IKZF2: variants seen among roughly 807,000 people sequenced by gnomAD.
The protein encoded by IKZF2 is zinc finger protein Helios.
A neutral mutation model predicts 49.2 loss-of-function variants in IKZF2; 15 were observed. That is an observed-to-expected ratio of 0.30 (90% confidence interval 0.20 to 0.47). IKZF2 has a LOEUF of 0.47. IKZF2 is among the 20% of genes least tolerant of loss of function. The pLI is 1.00. For missense variants in IKZF2, 567 were observed against 664.6 expected (o/e 0.85, Z 1.61); for synonymous variants, 227 against 221.4 (o/e 1.03, Z -0.23).
intron 6 of IKZF2, among the ~76,000 whole-genome samples, chr2:213,024,906 T>C (rs991669367): frequency 7.2e-5 from 11 of 152,102 alleles, no homozygotes; most frequent in Non-Finnish European, 8.8e-5. Context: ...TTTAAAGTAA[T>C]ACATAATTAA....
At chr2:213,016,764 A>G (rs1280185979) in intron 7 of IKZF2, among the ~76,000 whole-genome samples, 1 of 152,132 alleles carries the variant, frequency 6.6e-6, no homozygotes, top group African/African-American at 2.4e-5. Flanking sequence ...TAACGGCAAA[A>G]CCATAAGTGT....
chr2:213,053,136 C>T (rs1019219498), intron 5 of IKZF2, among the ~76,000 whole-genome samples: 7 of 152,072 alleles, frequency 4.6e-5, no homozygotes, highest in African/African-American at 1.7e-4. Flanking sequence ...ATGGAGCAAT[C>T]CAAGCTGAAA....
chr2:213,091,152 T>C (rs1034716980), intron 4 of IKZF2, among the ~76,000 whole-genome samples: 2 of 152,172 alleles, frequency 1.3e-5, no homozygotes, highest in Admixed American at 6.6e-5. Flanking sequence ...AAGATAAATA[T>C]GCTTACAATG....
intron 5 of IKZF2, among the ~76,000 whole-genome samples, chr2:213,055,457 T>C: frequency 6.6e-6 from 1 of 151,852 alleles, no homozygotes; most frequent in African/African-American, 2.4e-5. Context: ...AAAAAGGAGA[T>C]AAAAAACGAA....
At chr2:213,021,580 T>G (rs1421880458) in intron 7 of IKZF2, 1 of 342,684 alleles carries the variant, frequency 2.9e-6, no homozygotes, top group Non-Finnish European at 5.6e-6. Context: ...GCAAAATCAG[T>G]AATTTCTCAT....
At position 213,000,711 on chromosome 2, in the gene IKZF2, G is replaced by A. The variant is rs905608176; in HGVS notation, c.*6649C>T. 6.6e-6 allele frequency: 1 copy of A among 151,880 alleles called. No homozygotes were observed. Among genetic ancestry groups the A allele is most frequent in the Admixed American group, 6.6e-5 (1 of 15,144 alleles). The allele number at this position is 151,880 out of a possible 1,614,324, so 9.4% of individuals were successfully genotyped here. A position where few individuals can be genotyped will look rare whatever the true frequency, so the allele number is the denominator to read the frequency against. ...AAAAAATTTCTCCAATAGGTGATATGTAAGTGTTTAAAACTCAGCTAAGTG... is the reference window on the plus strand; with the variant it reads ...AAAAAATTTCTCCAATAGGTGATATATAAGTGTTTAAAACTCAGCTAAGTG... On this transcript the variant is annotated 3_prime_UTR_variant, in exon 9 of 9. Transcript: ENST00000434687.
rs139378255 is a variant in IKZF2, at chr2:213,147,776, T to A, written c.71A>T (p.Asn24Ile). 1 of 1,613,996 alleles carries A rather than the reference T, an allele frequency of 6.2e-7. No individual in the cohort carries two copies. Among genetic ancestry groups the A allele is most frequent in the Non-Finnish European group, 8.5e-7 (1 of 1,179,866 alleles). ...NELSPEREHS[N>I]MAIDLTSSTP... ...GCTTGAGGTGAGGTCAATTGCCATA[T>A]TGGAGTGCTCCCTTTCGGGTGAAAG... Residue 24 changes from asparagine to isoleucine, a missense_variant, in exon 4 of 9, where the codon AAT (asparagine) becomes ATT (isoleucine). Physicochemically the swap from Asn to Ile is moderately radical, Grantham distance 149 (BLOSUM62 -3). Around this residue, in one of 5 missense-constraint regions of IKZF2, gnomAD observed 156 missense variants for 138.5 expected, o/e 1.13. Transcript: ENST00000434687.
chr2:213,073,425 A>T (rs1702916198), intron 4 of IKZF2, among the ~76,000 whole-genome samples: 1 of 152,142 alleles, frequency 6.6e-6, no homozygotes, highest in South Asian at 2.1e-4. Flanking sequence ...TTAAACAGAA[A>T]ACACTGCCAG....
chr2:213,069,738 T>C (rs1702511904), intron 4 of IKZF2, among the ~76,000 whole-genome samples: 1 of 152,098 alleles, frequency 6.6e-6, no homozygotes, highest in African/African-American at 2.4e-5. Context: ...CTACACTGCC[T>C]AACACCTTCA....
chr2:213,120,059 A>G (rs2125826272), intron 4 of IKZF2, among the ~76,000 whole-genome samples: 1 of 152,318 alleles, frequency 6.6e-6, no homozygotes, highest in East Asian at 1.9e-4. Flanking sequence ...TCCTACTCCC[A>G]TCCACTTCAT....
intron 4 of IKZF2, among the ~76,000 whole-genome samples, chr2:213,057,610 T>A (rs1701287109): frequency 6.6e-6 from 1 of 152,156 alleles, no homozygotes. Context: ...ATCCAGCAAA[T>A]GTCTTTGACA....
At chr2:213,143,368 G>A (rs117954874) in intron 4 of IKZF2, among the ~76,000 whole-genome samples, 2,222 of 152,006 alleles carry the variant, frequency 0.015, 31 homozygotes, top group South Asian at 0.058. Flanking sequence ...GTACTAAGCA[G>A]ACTAAAAAGA....
At chr2:213,118,926 G>T (rs558280595) in intron 4 of IKZF2, among the ~76,000 whole-genome samples, 7 of 152,154 alleles carry the variant, frequency 4.6e-5, no homozygotes, top group African/African-American at 1.7e-4. Context: ...CCAATTTCTA[G>T]AGACATCTCT....
rs1391957398 is a variant in IKZF2, at chr2:213,131,858, T to C, written c.139+15850A>G. Among the ~76,000 whole-genome samples, 4 of 152,184 alleles carry C rather than the reference T, an allele frequency of 2.6e-5. No individual in the cohort carries two copies. The East Asian group carries it at 7.7e-4, about 29-fold the overall frequency. On this transcript the variant is annotated intron_variant, in intron 4 of 8. Transcript: ENST00000434687. Reference sequence around the variant, plus strand: ...ATGTCTGGAATAACTGAGAGACGTCTCTAATGCATTCAGTCAATCAGATAA... The same window carrying C: ...ATGTCTGGAATAACTGAGAGACGTCCCTAATGCATTCAGTCAATCAGATAA...
At chr2:213,055,805 T>A (rs1701096360) in intron 5 of IKZF2, among the ~76,000 whole-genome samples, 1 of 152,164 alleles carries the variant, frequency 6.6e-6, no homozygotes, top group Admixed American at 6.6e-5. Context: ...CTACCTTGTA[T>A]CTTTAATGTT....
chr2:213,142,745 C>T (rs1661413958), intron 4 of IKZF2, among the ~76,000 whole-genome samples: 4 of 151,936 alleles, frequency 2.6e-5, no homozygotes, highest in South Asian at 4.1e-4. Flanking sequence ...GCTTCTGAGC[C>T]TCAGTTTTAA....
At chr2:213,036,116 G>T (rs1449142135) in intron 6 of IKZF2, among the ~76,000 whole-genome samples, 4 of 152,072 alleles carry the variant, frequency 2.6e-5, no homozygotes, top group African/African-American at 4.8e-5. Flanking sequence ...CCTCATGATA[G>T]ATTTTTGTTT....
rs141733350 is a variant in IKZF2, at chr2:213,044,529, T to C, written c.574+5184A>G. On this transcript the variant is annotated intron_variant, in intron 6 of 8. Transcript: ENST00000434687. ...CCAAGGCATGTGCTGGCAAGATGAT[T>C]ATTCAAATTGTCACTGGTGGTAGCA... 3.9e-5 allele frequency among the ~76,000 whole-genome samples: 6 copies of C among 152,308 alleles called. No individual in the cohort carries two copies. In the East Asian group the frequency reaches 9.7e-4, roughly 25 times the overall value.
chr2:213,062,123 AAATT>A (rs774440457), intron 4 of IKZF2, among the ~76,000 whole-genome samples: 5 of 151,674 alleles, frequency 3.3e-5, no homozygotes, highest in Non-Finnish European at 7.4e-5. Flanking sequence ...TTAAGATAAT[AAATT>A]CTACCCTCAT....
Sources: allele counts gnomAD v4.1 joint callset (sites outside exome capture counted in the v4.1 genomes callset), GRCh38; gene constraint gnomAD v4.1.1; regional missense constraint gnomAD v4.1.1; transcripts MANE v1.5; gene names NCBI Gene and HGNC (gene_info 2026-07-23, HGNC 2026-07-21).